The following IRAK2 variants were observed in gnomAD, a reference collection of about 807,000 sequenced individuals.
IRAK2 encodes the protein interleukin 1 receptor associated kinase 2, also known as interleukin-1 receptor-associated kinase-like 2.
In IRAK2, 57 loss-of-function variants were observed where a neutral mutation model predicts 72.0. The observed-to-expected ratio is 0.79, with a 90% CI of 0.64 to 0.99. The LOEUF is 0.99. Among genes scored for constraint, IRAK2 ranks in the 50% least tolerant of loss-of-function variants. IRAK2 has a pLI of 0.00. For synonymous variants in IRAK2, 293 were observed against 312.7 expected, an observed-to-expected ratio of 0.94 and a Z score of 0.67; for missense variants, 790 against 794.4, an observed-to-expected ratio of 0.99 and a Z score of 0.07.
chr3:10,223,117 G>A (rs966609786), intron 9 of IRAK2, among the ~76,000 whole-genome samples: 7 of 152,204 alleles, frequency 4.6e-5, no homozygotes, highest in African/African-American at 1.2e-4. Context: ...ACTGTGTGGC[G>A]TGTTACAGAA....
At chr3:10,228,233 T>TA (rs1559452549) in intron 10 of IRAK2, among the ~76,000 whole-genome samples, 1 of 152,082 alleles carries the variant, frequency 6.6e-6, no homozygotes, top group Non-Finnish European at 1.5e-5. Context: ...CAGATTATTA[T>TA]TTTATTTATT....
intron 6 of IRAK2, among the ~76,000 whole-genome samples, chr3:10,214,821 A>G (rs549903857): frequency 9.2e-5 from 14 of 151,672 alleles, no homozygotes; most frequent in South Asian, 8.4e-4. Context: ...TTGGCTGGGC[A>G]TGGTGGCTCG....
chr3:10,223,896 G>A (rs780420753), intron 9 of IRAK2, among the ~76,000 whole-genome samples: 10 of 152,150 alleles, frequency 6.6e-5, no homozygotes, highest in African/African-American at 1.7e-4. Context: ...TACCAGAACC[G>A]TGGCCCTGAG....
chr3:10,238,348 C>T (rs1697999439), intron 11 of IRAK2, among the ~76,000 whole-genome samples: 1 of 152,118 alleles, frequency 6.6e-6, no homozygotes, highest in South Asian at 2.1e-4. Context: ...TTTTCCCCTA[C>T]TGTAAATGGG....
chr3:10,187,199 G>T (rs1441447992), intron 2 of IRAK2, among the ~76,000 whole-genome samples: 1 of 147,670 alleles, frequency 6.8e-6, no homozygotes, highest in Admixed American at 6.6e-5. Flanking sequence ...GTTAACAAAT[G>T]TACTTACATT....
At chr3:10,226,649 T>C (rs765831777) in intron 10 of IRAK2, among the ~76,000 whole-genome samples, 4 of 152,112 alleles carry the variant, frequency 2.6e-5, no homozygotes, top group Non-Finnish European at 5.9e-5. Flanking sequence ...CTTGGTGCGG[T>C]GGCTCATGCC....
chr3:10,183,546 C>T (rs935737967), intron 2 of IRAK2, among the ~76,000 whole-genome samples: 4 of 151,964 alleles, frequency 2.6e-5, no homozygotes, highest in Non-Finnish European at 5.9e-5. Context: ...TGAAACCCTG[C>T]CTCTACTAAA....
chr3:10,226,729 C>A (rs112461923), intron 10 of IRAK2, among the ~76,000 whole-genome samples: 164 of 151,440 alleles, frequency 1.1e-3, no homozygotes, highest in African/African-American at 3.9e-3. Flanking sequence ...ACCAGCCTGG[C>A]CAACATGGTG....
rs200989134 is a variant in IRAK2, at chr3:10,213,428, G to A, written c.723+27G>A. On this transcript the variant is annotated intron_variant, in intron 5 of 12. Coordinates refer to ENST00000256458, the MANE Select transcript of IRAK2 (RefSeq NM_001570.4). ...TGAGCACTTCTTGGTTTCTAGTGGG[G>A]GTGGAGGCTGCAGGGGTGGGGCGGG... 558 of 1,613,180 alleles carry A rather than the reference G, an allele frequency of 3.5e-4. 1 individual carries two copies. In the African/African-American group the frequency reaches 6.8e-3, roughly 20 times the overall value.
intron 1 of IRAK2, among the ~76,000 whole-genome samples, chr3:10,169,751 T>G (rs1696766120): frequency 1.3e-5 from 2 of 152,196 alleles, no homozygotes; most frequent in South Asian, 4.1e-4. Context: ...GTTAATGCAA[T>G]CATCACAGGG....
At chr3:10,208,631 C>T (rs1040284471) in intron 3 of IRAK2, among the ~76,000 whole-genome samples, 18 of 151,648 alleles carry the variant, frequency 1.2e-4, no homozygotes, top group South Asian at 2.1e-4. Context: ...GGTGTGGTGG[C>T]GGGCGCCTGT....
chr3:10,177,738 G>A, intron 1 of IRAK2, 100 bp from the exon 2 acceptor site: 1 of 1,166,652 alleles, frequency 8.6e-7, no homozygotes, highest in Non-Finnish European at 1.3e-6. Flanking sequence ...GGTGGTTGGG[G>A]AGGATGTCCT....
chr3:10,219,851 T>C lies in IRAK2; in HGVS notation c.1013+62T>C, dbSNP rs376553871. The C allele has an allele frequency of 6.0e-6, 7 of 1,171,482 alleles. No homozygotes were observed. The East Asian group carries it at 7.1e-5, about 12-fold the overall frequency. The allele number at this position is 1,171,482 out of a possible 1,614,324, so 72.6% of individuals were successfully genotyped here. A position where few individuals can be genotyped will look rare whatever the true frequency, so the allele number is the denominator to read the frequency against. ...CTGCAAGGGTGGAACTGGTGCCTAT[T>C]CCTGGCTCACCTCCCGCTCCGCCAC... is the stretch of plus-strand genomic sequence containing the variant. On this transcript the variant is annotated intron_variant, in intron 8 of 12. Coordinates refer to ENST00000256458, the MANE Select transcript of IRAK2 (RefSeq NM_001570.4).
rs752199869 is a variant in IRAK2, at chr3:10,219,766, G to A, written c.990G>A (p.Glu330=). The change falls in exon 8 of 13, where the codon GAG becomes GAA. Residue 330 remains glutamate (E), a synonymous_variant. Coordinates refer to ENST00000256458, the MANE Select transcript of IRAK2 (RefSeq NM_001570.4). ...CCGTCGAGTACCTGCATGGTCTGGA[G>A]ATCATCCACAGCAACGTCAAGAGGT... ...LCAVEYLHGL[E]IIHSNVKSSN... 4 of 1,613,606 alleles carry A rather than the reference G, an allele frequency of 2.5e-6. No individual in the cohort carries two copies. The highest frequency in any genetic ancestry group is 1.1e-5 in the South Asian group (1 of 91,082).
intron 12 of IRAK2, among the ~76,000 whole-genome samples, chr3:10,239,596 G>A (rs1027467128): frequency 5.3e-5 from 8 of 152,042 alleles, no homozygotes; most frequent in Non-Finnish European, 7.4e-5. Flanking sequence ...GCATGGTGGC[G>A]CGTGCCTGTA....
chr3:10,219,759 G>T lies in IRAK2; in HGVS notation c.983G>T (p.Gly328Val), dbSNP rs983131097. Residue 328 changes from glycine to valine, a missense_variant, in exon 8 of 13, where the codon GGT becomes GTT. Physicochemically the swap from Gly to Val is moderately radical, Grantham distance 109. Coordinates refer to ENST00000256458, the MANE Select transcript of IRAK2 (RefSeq NM_001570.4). ...GLLCAVEYLH[G>V]LEIIHSNVKS... ...CTCTGTGCCGTCGAGTACCTGCATG[G>T]TCTGGAGATCATCCACAGCAACGTC... is the stretch of plus-strand genomic sequence containing the variant. 6.2e-7 allele frequency: 1 copy of T among 1,613,908 alleles called. No homozygotes were observed. The highest frequency in any genetic ancestry group is 8.5e-7 in the Non-Finnish European group (1 of 1,179,842).
intron 11 of IRAK2, among the ~76,000 whole-genome samples, chr3:10,237,616 GC>G (rs1009392964): frequency 2.0e-5 from 3 of 151,946 alleles, no homozygotes; most frequent in African/African-American, 7.3e-5. Flanking sequence ...GACCATCTTG[GC>G]TAACATGGTG....
chr3:10,191,113 T>C (rs994181577), intron 2 of IRAK2, among the ~76,000 whole-genome samples: 1 of 151,954 alleles, frequency 6.6e-6, no homozygotes, highest in Non-Finnish European at 1.5e-5. Context: ...GCTAACATGG[T>C]GATACCCCGT....
chr3:10,193,775 G>A (rs576141751), intron 2 of IRAK2, among the ~76,000 whole-genome samples: 1 of 152,362 alleles, frequency 6.6e-6, no homozygotes, highest in African/African-American at 2.4e-5. Context: ...ACCCTGGGCT[G>A]CCCACCTCCA....
Sources: gnomAD v4.1 joint callset for allele counts (sites outside exome capture counted in the v4.1 genomes callset) on GRCh38, gnomAD v4.1.1 for gene constraint, MANE v1.5 for transcripts, NCBI Gene and HGNC (gene_info 2026-07-23, HGNC 2026-07-21) for gene names.